The following SNX29 variants were observed in gnomAD, a reference collection of about 807,000 sequenced individuals.
SNX29 encodes the protein sorting nexin-29.
A neutral mutation model predicts 102.1 loss-of-function variants in SNX29; 78 were observed. That is an observed-to-expected ratio of 0.76 (90% CI 0.64 to 0.92). The LOEUF is 0.92. SNX29 is among the 40% of genes least tolerant of loss of function. SNX29 has a pLI of 0.00. For synonymous variants in SNX29, 580 were observed against 414.5 expected, an observed-to-expected ratio of 1.40 and a Z score of -4.85; for missense variants, 1,280 against 1,061.7, an observed-to-expected ratio of 1.21 and a Z score of -2.86.
At chr16:12,228,271 C>T (rs543763688) in intron 14 of SNX29, among the ~76,000 whole-genome samples, 8 of 152,364 alleles carry the variant, frequency 5.3e-5, no homozygotes, top group African/African-American at 1.7e-4. Flanking sequence ...TTCTCCCTTC[C>T]ACACCCATGG....
chr16:12,331,877 A>T (rs11865868), intron 15 of SNX29, among the ~76,000 whole-genome samples: 7,886 of 152,054 alleles, frequency 0.052, 682 homozygotes, highest in African/African-American at 0.18. Flanking sequence ...GAATTAAACA[A>T]TTTGGCCAAG....
intron 13 of SNX29, among the ~76,000 whole-genome samples, chr16:12,143,508 C>T (rs376268882): frequency 6.6e-6 from 1 of 152,286 alleles, no homozygotes; most frequent in South Asian, 2.1e-4. Context: ...TCCACCGCTC[C>T]TAGATGTGGG....
chr16:12,343,850 ATT>A (rs1555514838), intron 15 of SNX29, among the ~76,000 whole-genome samples: 3 of 152,202 alleles, frequency 2.0e-5, no homozygotes, highest in Non-Finnish European at 4.4e-5. Flanking sequence ...AAGTAAATGA[ATT>A]AGTGCTTCCA....
Position 12,573,702 on chromosome 16 carries a change from T to C in SNX29, c.*5073T>C. 4.5e-6 allele frequency: 1 copy of C among 223,668 alleles called. No homozygotes were observed. Among genetic ancestry groups the C allele is most frequent in the East Asian group, 6.5e-5 (1 of 15,478 alleles). The allele number at this position is 223,668 out of a possible 1,614,324, so 13.9% of individuals were successfully genotyped here. On this transcript the variant is annotated 3_prime_UTR_variant, in exon 21 of 21. Transcript: ENST00000566228. ...AGGATGCCCTTGCAAAAATTGGGAC[T>C]GAGGACAGTAGCACACGGAATGGTG...
At position 12,553,101 on chromosome 16, in the gene SNX29, G is replaced by A. The variant is rs111647780; in HGVS notation, c.2319-15405G>A. On this transcript the variant is annotated intron_variant, in intron 20 of 20. Coordinates refer to ENST00000566228, the MANE Select transcript of SNX29 (RefSeq NM_032167.5). ...CCTGCATATAGTTCAGGCTTGGCCTGGGGCTTTCAGGCTGGGAGGGCCTTG... is the reference window on the plus strand; with the variant it reads ...CCTGCATATAGTTCAGGCTTGGCCTAGGGCTTTCAGGCTGGGAGGGCCTTG... Among the ~76,000 whole-genome samples, 517 of 147,700 alleles carry A rather than the reference G, an allele frequency of 3.5e-3. 2 individuals carry two copies. The highest frequency in any genetic ancestry group is 0.01 in the Middle Eastern group (3 of 294).
chr16:12,544,164 G>C (rs951478327), intron 20 of SNX29, among the ~76,000 whole-genome samples: 1 of 152,180 alleles, frequency 6.6e-6, no homozygotes, highest in Non-Finnish European at 1.5e-5. Context: ...TAAGAACACG[G>C]GATGGGAATC....
At chr16:12,338,899 T>G (rs1480052059) in intron 15 of SNX29, among the ~76,000 whole-genome samples, 1 of 152,210 alleles carries the variant, frequency 6.6e-6, no homozygotes, top group Non-Finnish European at 1.5e-5. Flanking sequence ...TAACAGTGTT[T>G]CCAGATGGAG....
chr16:12,116,358 TG>T (rs2053702284), intron 11 of SNX29, among the ~76,000 whole-genome samples: 1 of 152,118 alleles, frequency 6.6e-6, no homozygotes, highest in Non-Finnish European at 1.5e-5. Flanking sequence ...ATCCATACAG[TG>T]GAACATGATT....
chr16:12,544,349 TGGAAAG>T (rs2077487097), intron 20 of SNX29, among the ~76,000 whole-genome samples: 1 of 152,146 alleles, frequency 6.6e-6, no homozygotes, highest in African/African-American at 2.4e-5. Context: ...TCAGTACTGT[TGGAAAG>T]GAGAAGTGAT....
chr16:12,261,154 G>T (rs1200767122), intron 14 of SNX29, among the ~76,000 whole-genome samples: 2 of 149,648 alleles, frequency 1.3e-5, no homozygotes, highest in African/African-American at 2.5e-5. Flanking sequence ...TCCAGTCTGT[G>T]CACGTGTCCC....
intron 1 of SNX29, among the ~76,000 whole-genome samples, chr16:11,986,907 C>T (rs998371032): frequency 3.3e-5 from 5 of 152,044 alleles, no homozygotes; most frequent in Admixed American, 6.6e-5. Context: ...GGATTTGGCT[C>T]GGGGGCTATA....
intron 14 of SNX29, among the ~76,000 whole-genome samples, chr16:12,210,059 G>A (rs1468764950): frequency 6.6e-6 from 1 of 152,190 alleles, no homozygotes; most frequent in Non-Finnish European, 1.5e-5. Flanking sequence ...CCCCTTTCCT[G>A]GTAATCTGTT....
intron 18 of SNX29, among the ~76,000 whole-genome samples, chr16:12,432,595 A>G (rs976360176): frequency 4.6e-5 from 7 of 152,228 alleles, no homozygotes; most frequent in African/African-American, 1.7e-4. Flanking sequence ...GTATAAGAGC[A>G]GCAACGCCAC....
chr16:12,307,590 G>A (rs986258292), intron 15 of SNX29, among the ~76,000 whole-genome samples: 15 of 152,226 alleles, frequency 9.9e-5, no homozygotes, highest in Non-Finnish European at 1.5e-4. Context: ...CCTGCTTAAT[G>A]CCTAGGCCAA....
At chr16:12,082,356 C>T (rs1350036853) in intron 11 of SNX29, among the ~76,000 whole-genome samples, 1 of 152,178 alleles carries the variant, frequency 6.6e-6, no homozygotes, top group African/African-American at 2.4e-5. Flanking sequence ...GAGGTCCCAG[C>T]ATCTCAGATA....
chr16:12,148,025 G>A (rs528799588), intron 13 of SNX29, among the ~76,000 whole-genome samples: 1 of 152,316 alleles, frequency 6.6e-6, no homozygotes, highest in Admixed American at 6.5e-5. Flanking sequence ...CGCTGAATTC[G>A]TACTGGTGCC....
At chr16:12,204,283 A>G (rs986346560) in intron 14 of SNX29, among the ~76,000 whole-genome samples, 4 of 152,172 alleles carry the variant, frequency 2.6e-5, no homozygotes, top group African/African-American at 4.8e-5. Context: ...TGCTCCTGTT[A>G]TCAAGCTTGA....
chr16:12,496,035 G>C (rs1374755068), intron 19 of SNX29, among the ~76,000 whole-genome samples: 1 of 151,716 alleles, frequency 6.6e-6, no homozygotes, highest in Non-Finnish European at 1.5e-5. Context: ...GCGACAGGAT[G>C]AGACTCTGTC....
intron 19 of SNX29, among the ~76,000 whole-genome samples, chr16:12,517,342 GC>G: frequency 6.6e-6 from 1 of 152,318 alleles, no homozygotes; most frequent in South Asian, 2.1e-4. Context: ...CTTCCTGGAT[GC>G]CCTGTCTCCT....
Sources: allele counts gnomAD v4.1 joint callset (sites outside exome capture counted in the v4.1 genomes callset), GRCh38; gene constraint gnomAD v4.1.1; transcripts MANE v1.5; gene names NCBI Gene and HGNC (gene_info 2026-07-23, HGNC 2026-07-21).